Variants in EPM2AIP1 observed in about 807,000 individuals in gnomAD.
The protein encoded by EPM2AIP1 is EPM2A-interacting protein 1.
EPM2AIP1 carries 23 observed loss-of-function variants against 44.8 expected under a neutral mutation model. The ratio of observed to expected loss-of-function variants is 0.51; its 90% CI spans 0.37 to 0.73. EPM2AIP1 has a LOEUF of 0.73. Ranked by LOEUF, EPM2AIP1 falls within the 30% of genes least tolerant of loss-of-function variation. EPM2AIP1 has a pLI of 0.00. For synonymous variants in EPM2AIP1, 311 were observed against 284.3 expected (o/e 1.09, Z -0.94); for missense variants, 652 against 743.9 (o/e 0.88, Z 1.44).
chr3:36,992,783 G>A lies in EPM2AIP1; in HGVS notation c.295C>T (p.Arg99Cys). Residue 99 changes from arginine (R) to cysteine (C), a missense_variant, in exon 1 of 1, where the codon CGT becomes TGT. Arg to Cys is a radical substitution (Grantham distance 180). Transcript: ENST00000322716. The surrounding 1 kb of genome is among the most constrained non-coding windows in gnomAD (Gnocchi z 5.3). ...ASFTPEERAARAGLGLCRLLA... is the reference protein window; with the variant it reads ...ASFTPEERAACAGLGLCRLLA... ...AGGCGGCAGAGCCCGAGGCCTGCACGAGCAGCTCTCTCTTCAGGAGTGAAG... is the reference window on the plus strand; with the variant it reads ...AGGCGGCAGAGCCCGAGGCCTGCACAAGCAGCTCTCTCTTCAGGAGTGAAG... The A allele has an allele frequency of 6.2e-7, 1 of 1,613,562 alleles. No homozygotes were observed. The highest frequency in any genetic ancestry group is 8.5e-7 in the Non-Finnish European group (1 of 1,179,876).
rs949195818 is a variant in EPM2AIP1, at chr3:36,989,285, TTC to T, written c.*1967_*1968del. Reference sequence around the variant, plus strand: ...CTATTGGGAAATTACCGGTAGATTTTTCTGTTTTTTTTTTTCGGTTTTCCACT... The same window carrying T: ...CTATTGGGAAATTACCGGTAGATTTTTGTTTTTTTTTTTCGGTTTTCCACT... On this transcript the variant is annotated 3_prime_UTR_variant, in exon 1 of 1. Transcript: ENST00000322716. 8.6e-5 allele frequency: 13 copies of T among 151,998 alleles called. No individual in the cohort carries two copies. The highest frequency in any genetic ancestry group is 1.5e-4 in the Non-Finnish European group (10 of 67,988). 9.4% of individuals were successfully genotyped at this position (151,998 alleles called of 1,614,324 possible).
chr3:36,992,457 A>C lies in EPM2AIP1; in HGVS notation c.621T>G (p.Asp207Glu), dbSNP rs779093975. The change falls in exon 1 of 1, where the codon GAT (aspartate) becomes GAG (glutamate). Residue 207 changes from aspartate (D) to glutamate (E), a missense_variant. Physicochemically the swap from Asp to Glu is conservative, Grantham distance 45. Transcript: ENST00000322716. The surrounding 1 kb of genome is among the most constrained non-coding windows in gnomAD (Gnocchi z 5.3). ...GVGPELEVQEDLLTIINLTHH... is the reference protein window; with the variant it reads ...GVGPELEVQEELLTIINLTHH... ...GAGTCAGGTTGATTATGGTCAGAAG[A>C]TCTTCTTGCACCTCCAACTCAGGGC... The C allele has an allele frequency of 1.9e-6, 3 of 1,613,828 alleles. No homozygotes were observed.
chr3:36,991,089 G>A lies in EPM2AIP1; in HGVS notation c.*165C>T. On this transcript the variant is annotated 3_prime_UTR_variant, in exon 1 of 1. Transcript: ENST00000322716. ...ATGTTTCAGTCCCATGCTGCCATTT[G>A]AGATGAAAAAAAAGGCAACTGTCAG... is the stretch of plus-strand genomic sequence containing the variant. 1 of 1,337,408 alleles carries A rather than the reference G, an allele frequency of 7.5e-7. No individual in the cohort carries two copies. The highest frequency in any genetic ancestry group is 2.6e-5 in the East Asian group (1 of 37,810). 82.8% of individuals were successfully genotyped at this position (1,337,408 alleles called of 1,614,324 possible).
chr3:36,985,366 G>A lies in EPM2AIP1; in HGVS notation c.*5888C>T, dbSNP rs2080764505. 1 of 152,218 alleles carries A rather than the reference G, an allele frequency of 6.6e-6. No homozygotes were observed. Among genetic ancestry groups the A allele is most frequent in the South Asian group, 2.1e-4 (1 of 4,834 alleles). 9.4% of individuals were successfully genotyped at this position (152,218 alleles called of 1,614,324 possible). A position where few individuals can be genotyped will look rare whatever the true frequency, so the allele number is the denominator to read the frequency against. On this transcript the variant is annotated 3_prime_UTR_variant, in exon 1 of 1. Coordinates refer to ENST00000322716, the MANE Select transcript of EPM2AIP1 (RefSeq NM_014805.4). ...CTAGAAATATTCTATATTTTGACCT[G>A]GGTGGTGCATTCAAGGGCATATATA...
In EPM2AIP1 at chr3:36,985,799, T is replaced by C. The variant is rs1011691068; in HGVS notation, c.*5455A>G. 2 of 152,224 alleles carry C rather than the reference T, an allele frequency of 1.3e-5. No homozygotes were observed. Among genetic ancestry groups the C allele is most frequent in the African/African-American group, 2.4e-5 (1 of 41,470 alleles). 9.4% of individuals were successfully genotyped at this position (152,224 alleles called of 1,614,324 possible). On this transcript the variant is annotated 3_prime_UTR_variant, in exon 1 of 1. Coordinates refer to ENST00000322716, the MANE Select transcript of EPM2AIP1 (RefSeq NM_014805.4). ...GGTTTTGTGAGATGTACACACTCTG[T>C]AGCAACTACTCAGCTGTGCCATTGT...
At position 36,985,093 on chromosome 3, in the gene EPM2AIP1, A is replaced by G. The variant is rs1480474018; in HGVS notation, c.*6161T>C. On this transcript the variant is annotated 3_prime_UTR_variant, in exon 1 of 1. Transcript: ENST00000322716. Reference sequence around the variant, plus strand: ...AATGACCACAAGCTGGAAACAACCTAAATTTCTATCAACGGTAGAATGGGT... The same window carrying G: ...AATGACCACAAGCTGGAAACAACCTGAATTTCTATCAACGGTAGAATGGGT... 4 of 152,230 alleles carry G rather than the reference A, an allele frequency of 2.6e-5. No homozygotes were observed. The highest frequency in any genetic ancestry group is 6.5e-5 in the Admixed American group (1 of 15,286). The allele number at this position is 152,230 out of a possible 1,614,324, so 9.4% of individuals were successfully genotyped here. A position where few individuals can be genotyped will look rare whatever the true frequency, so the allele number is the denominator to read the frequency against.
In EPM2AIP1 at chr3:36,986,572, G is replaced by A. The variant is rs1043471719; in HGVS notation, c.*4682C>T. ...GAGGCGGGCGGACTGCTTGAGTCCA[G>A]GAATTCGAGACTAGCCTGGGGAATA... On this transcript the variant is annotated 3_prime_UTR_variant, in exon 1 of 1. Coordinates refer to ENST00000322716, the MANE Select transcript of EPM2AIP1 (RefSeq NM_014805.4). 6.6e-6 allele frequency: 1 copy of A among 151,936 alleles called. No individual in the cohort carries two copies. Among genetic ancestry groups the A allele is most frequent in the African/African-American group, 2.4e-5 (1 of 41,326 alleles). 9.4% of individuals were successfully genotyped at this position (151,936 alleles called of 1,614,324 possible).
chr3:36,991,037 CTAAG>C lies in EPM2AIP1; in HGVS notation c.*213_*216del. 2 of 1,245,274 alleles carry C rather than the reference CTAAG, an allele frequency of 1.6e-6. No homozygotes were observed. The highest frequency in any genetic ancestry group is 3.2e-5 in the South Asian group (1 of 31,462). The allele number at this position is 1,245,274 out of a possible 1,614,324, so 77.1% of individuals were successfully genotyped here. A position where few individuals can be genotyped will look rare whatever the true frequency, so the allele number is the denominator to read the frequency against. ...AAAAGACAATGACTTTGTCACTAAA[CTAAG>C]TTTTAAAAAAGGTGGCATTCTCATG... On this transcript the variant is annotated 3_prime_UTR_variant, in exon 1 of 1. Transcript: ENST00000322716.
At position 36,990,388 on chromosome 3, in the gene EPM2AIP1, G is replaced by T; in HGVS notation, c.*866C>A. On this transcript the variant is annotated 3_prime_UTR_variant, in exon 1 of 1. Coordinates refer to ENST00000322716, the MANE Select transcript of EPM2AIP1 (RefSeq NM_014805.4). The stretch of plus-strand genomic sequence containing the variant: ...AAATATCTCACACCTCCTAATCCTG[G>T]AGTGCAATCTTTTTTCCTCATCGTT... 1 of 982,552 alleles carries T rather than the reference G, an allele frequency of 1.0e-6. No homozygotes were observed. 60.9% of individuals were successfully genotyped at this position (982,552 alleles called of 1,614,324 possible). A position where few individuals can be genotyped will look rare whatever the true frequency, so the allele number is the denominator to read the frequency against.
chr3:36,992,043 C>T lies in EPM2AIP1; in HGVS notation c.1035G>A (p.Gly345=), dbSNP rs2080819054. 1.2e-6 allele frequency: 2 copies of T among 1,613,938 alleles called. No individual in the cohort carries two copies. The highest frequency in any genetic ancestry group is 1.3e-5 in the African/African-American group (1 of 75,024). Residue 345 remains glycine, a synonymous_variant, in exon 1 of 1, where the codon GGG becomes GGA. Transcript: ENST00000322716. The surrounding 1 kb of genome is among the most constrained non-coding windows in gnomAD (Gnocchi z 5.3). ...GRCLNNWLRR[G]KTLKLIFSLR... is the part of the protein sequence containing the mutation. Reference sequence around the variant, plus strand: ...GAGAGAATATTAGTTTTAAAGTTTTCCCTCTCCTAAGCCAATTGTTCAGAC... The same window carrying T: ...GAGAGAATATTAGTTTTAAAGTTTTTCCTCTCCTAAGCCAATTGTTCAGAC...
rs1211910920 is a variant in EPM2AIP1, at chr3:36,989,392, C to A, written c.*1862G>T. ...CCATTCTTGATAAGTACCTAATCGA[C>A]ATGTAACTTTTTTTCTGCCTTAAAT... On this transcript the variant is annotated 3_prime_UTR_variant, in exon 1 of 1. Coordinates refer to ENST00000322716, the MANE Select transcript of EPM2AIP1 (RefSeq NM_014805.4). 1 of 151,808 alleles carries A rather than the reference C, an allele frequency of 6.6e-6. No individual in the cohort carries two copies. Among genetic ancestry groups the A allele is most frequent in the Non-Finnish European group, 1.5e-5 (1 of 67,966 alleles). 9.4% of individuals were successfully genotyped at this position (151,808 alleles called of 1,614,324 possible).
rs772731265 is a variant in EPM2AIP1 at position 36,992,940 on chromosome 3, G to A, written c.138C>T (p.Ile46=). 1.9e-6 allele frequency: 3 copies of A among 1,612,736 alleles called. No individual in the cohort carries two copies. The African/African-American group carries it at 4.0e-5, about 22-fold the overall frequency. Residue 46 remains isoleucine (I), a synonymous_variant, in exon 1 of 1, where the codon ATC becomes ATT. Coordinates refer to ENST00000322716, the MANE Select transcript of EPM2AIP1 (RefSeq NM_014805.4). This position sits in a 1 kb window ranked among gnomAD's most constrained non-coding sequence, Gnocchi z 5.3. ...TGACGTCGCGTTCGCGGGTAGCTAC[G>A]ATGAGGCGGCGACAGACCAGGCACA... The part of the protein sequence containing the change: ...GALCLVCRRL[I]VATRERDVRR...
rs2080774053 is a variant in EPM2AIP1 at position 36,987,172 on chromosome 3, C to CA, written c.*4081dup. On this transcript the variant is annotated 3_prime_UTR_variant, in exon 1 of 1. Transcript: ENST00000322716. ...TATATAGTGACCAGAAGGGCTGAGTCAGTCTTCTACTTTGTTAAATTTACT... is the reference window on the plus strand; with the variant it reads ...TATATAGTGACCAGAAGGGCTGAGTCAAGTCTTCTACTTTGTTAAATTTACT... The CA allele has an allele frequency of 6.6e-6, 1 of 152,546 alleles. No homozygotes were observed. Among genetic ancestry groups the CA allele is most frequent in the African/African-American group, 2.4e-5 (1 of 41,416 alleles). The allele number at this position is 152,546 out of a possible 1,614,324, so 9.4% of individuals were successfully genotyped here.
chr3:36,991,673 T>C lies in EPM2AIP1; in HGVS notation c.1405A>G (p.Lys469Glu), dbSNP rs946489432. Reference sequence around the variant, plus strand: ...TCCTTAAAATGTCTCTCAAATTCTTTTTGGAGACGACAGATCACCATTTGA... The same window carrying C: ...TCCTTAAAATGTCTCTCAAATTCTTCTTGGAGACGACAGATCACCATTTGA... ...RYQMVICRLQ[K>E]EFERHFKDLR... Residue 469 changes from lysine (K) to glutamate (E), a missense_variant, in exon 1 of 1, where the codon AAA (lysine) becomes GAA (glutamate). Coordinates refer to ENST00000322716, the MANE Select transcript of EPM2AIP1 (RefSeq NM_014805.4). 1.9e-6 allele frequency: 3 copies of C among 1,612,564 alleles called. No homozygotes were observed. The highest frequency in any genetic ancestry group is 2.5e-6 in the Non-Finnish European group (3 of 1,179,476).
rs79802626 is a variant in EPM2AIP1 at position 36,985,420 on chromosome 3, C to G, written c.*5834G>C. The G allele has an allele frequency of 1.3e-5, 2 of 152,276 alleles. No homozygotes were observed. Among genetic ancestry groups the G allele is most frequent in the African/African-American group, 4.8e-5 (2 of 41,538 alleles). 9.4% of individuals were successfully genotyped at this position (152,276 alleles called of 1,614,324 possible). A position where few individuals can be genotyped will look rare whatever the true frequency, so the allele number is the denominator to read the frequency against. Reference sequence around the variant, plus strand: ...ACCCACTGAGGTGTACACTTAATATCGGTACACTTTTAAATTTTACCTCAG... The same window carrying G: ...ACCCACTGAGGTGTACACTTAATATGGGTACACTTTTAAATTTTACCTCAG... On this transcript the variant is annotated 3_prime_UTR_variant, in exon 1 of 1. Transcript: ENST00000322716.
In EPM2AIP1 at chr3:36,989,376, A is replaced by G. The variant is rs544884194; in HGVS notation, c.*1878T>C. The G allele has an allele frequency of 1.8e-4, 27 of 151,924 alleles. No homozygotes were observed. Among genetic ancestry groups the G allele is most frequent in the Admixed American group, 1.5e-3 (23 of 15,244 alleles). 9.4% of individuals were successfully genotyped at this position (151,924 alleles called of 1,614,324 possible). A position where few individuals can be genotyped will look rare whatever the true frequency, so the allele number is the denominator to read the frequency against. ...CAAAATCTCAGCTTGACCATTCTTG[A>G]TAAGTACCTAATCGACATGTAACTT... On this transcript the variant is annotated 3_prime_UTR_variant, in exon 1 of 1. Transcript: ENST00000322716.
In EPM2AIP1 at chr3:36,988,743, G is replaced by A. The variant is rs1451097491; in HGVS notation, c.*2511C>T. 6.6e-6 allele frequency: 1 copy of A among 152,076 alleles called. No homozygotes were observed. Among genetic ancestry groups the A allele is most frequent in the African/African-American group, 2.4e-5 (1 of 41,410 alleles). The allele number at this position is 152,076 out of a possible 1,614,324, so 9.4% of individuals were successfully genotyped here. On this transcript the variant is annotated 3_prime_UTR_variant, in exon 1 of 1. Coordinates refer to ENST00000322716, the MANE Select transcript of EPM2AIP1 (RefSeq NM_014805.4). ...CTATTAACAAGGACTTAGCATAGTA[G>A]AGCAATTTGAGTGGCAATACGGGAC...
Position 36,991,244 on chromosome 3 carries a change from C to T in EPM2AIP1, c.*10G>A, listed in dbSNP as rs376397364. The T allele has an allele frequency of 1.7e-4, 266 of 1,567,528 alleles. No individual in the cohort carries two copies. Among genetic ancestry groups the T allele is most frequent in the Non-Finnish European group, 2.2e-4 (258 of 1,156,192 alleles). On this transcript the variant is annotated 3_prime_UTR_variant, in exon 1 of 1. Transcript: ENST00000322716. The stretch of plus-strand genomic sequence containing the variant: ...TCTTGTTGAGTTTTTCAATCTTGTA[C>T]TACAAAGCCTTATGGATTAGATTCA...
rs879029377 is a variant in EPM2AIP1 at position 36,990,689 on chromosome 3, G to A, written c.*565C>T. 1.0e-6 allele frequency: 1 copy of A among 985,622 alleles called. No individual in the cohort carries two copies. The highest frequency in any genetic ancestry group is 4.7e-5 in the South Asian group (1 of 21,278). The allele number at this position is 985,622 out of a possible 1,614,324, so 61.1% of individuals were successfully genotyped here. On this transcript the variant is annotated 3_prime_UTR_variant, in exon 1 of 1. Transcript: ENST00000322716. ...TGAGGTGGGTGATGGGGAGGGAAGA[G>A]GGAAGAAATCTGTCAGTATTACCTT...
Sources: gnomAD v4.1 joint callset for allele counts on GRCh38, gnomAD v4.1.1 for gene constraint, Gnocchi (gnomAD v3.1) non-coding constraint, MANE v1.5 for transcripts, NCBI Gene and HGNC (gene_info 2026-07-23, HGNC 2026-07-21) for gene names.